The following SENP5 variants were observed in gnomAD, a reference collection of about 807,000 sequenced individuals.
SENP5 encodes SUMO specific peptidase 5.
In SENP5, 21 loss-of-function variants were observed where a neutral mutation model predicts 74.2. The observed-to-expected ratio is 0.28, with a 90% CI of 0.20 to 0.41. SENP5 has a LOEUF of 0.41. Among genes scored for constraint, SENP5 ranks in the 10% least tolerant of loss-of-function variants. The probability of loss-of-function intolerance (pLI) is 1.00; values close to 1 mark genes in which losing one functional copy is unlikely to be tolerated. For missense variants in SENP5, 717 were observed against 889.1 expected, an observed-to-expected ratio of 0.81 and a Z score of 2.46; for synonymous variants, 311 against 312.7, an observed-to-expected ratio of 0.99 and a Z score of 0.06.
chr3:196,887,376 C>T (rs1259728584), intron 2 of SENP5, among the ~76,000 whole-genome samples: 1 of 152,014 alleles, frequency 6.6e-6, no homozygotes, highest in East Asian at 1.9e-4. Context: ...GATGGGGTTT[C>T]ACCATGTTGG....
intron 6 of SENP5, among the ~76,000 whole-genome samples, chr3:196,918,188 T>A (rs1577841177): frequency 6.6e-6 from 1 of 151,698 alleles, no homozygotes; most frequent in East Asian, 1.9e-4. Flanking sequence ...GCGCCTGTAG[T>A]CCCAGCTACT....
intron 8 of SENP5, 168 bp from the exon 9 acceptor site, chr3:196,929,465 G>A: frequency 3.8e-6 from 2 of 527,944 alleles, no homozygotes; most frequent in Non-Finnish European, 6.7e-6. Context: ...CTCTTTTTAT[G>A]TGGCCAGGTG....
intron 2 of SENP5, among the ~76,000 whole-genome samples, chr3:196,889,648 C>G (rs986729265): frequency 3.3e-5 from 5 of 152,184 alleles, no homozygotes; most frequent in African/African-American, 7.2e-5. Context: ...CTCATGGACT[C>G]TCTTCTTCCT....
At chr3:196,889,690 A>G (rs1714122503) in intron 2 of SENP5, among the ~76,000 whole-genome samples, 1 of 152,230 alleles carries the variant, frequency 6.6e-6, no homozygotes, top group African/African-American at 2.4e-5. Flanking sequence ...ATGAAAAAAT[A>G]TTAAAAACAC....
At chr3:196,919,104 G>A (rs1468394008) in intron 6 of SENP5, among the ~76,000 whole-genome samples, 4 of 152,032 alleles carry the variant, frequency 2.6e-5, no homozygotes, top group Non-Finnish European at 4.4e-5. Context: ...AAACAAAAAC[G>A]GAAAAGAGCC....
intron 6 of SENP5, 80 bp from the exon 7 acceptor site, chr3:196,923,334 C>A: frequency 6.7e-7 from 1 of 1,496,000 alleles, no homozygotes; most frequent in South Asian, 1.3e-5. Context: ...GGTCAAAGGT[C>A]AGCAAATGGA....
chr3:196,884,787 C>T (rs1458674025), intron 1 of SENP5, among the ~76,000 whole-genome samples: 4 of 151,964 alleles, frequency 2.6e-5, no homozygotes, highest in Admixed American at 2.0e-4. Context: ...ATTCTCCTGC[C>T]TCAGCCTCAC....
At chr3:196,875,334 T>C (rs989864899) in intron 1 of SENP5, among the ~76,000 whole-genome samples, 2 of 152,222 alleles carry the variant, frequency 1.3e-5, no homozygotes, top group African/African-American at 4.8e-5. Context: ...TGTATCTGCA[T>C]TGATTTACCT....
rs185029060 is a variant in SENP5 at position 196,916,395 on chromosome 3, A to G, written c.1885-7019A>G. On this transcript the variant is annotated intron_variant, in intron 6 of 9. Transcript: ENST00000323460. Reference sequence around the variant, plus strand: ...ACCAAACTAAAGGCACCAATGACCAATCTCATAGTGACAGAGATATGCAAC... The same window carrying G: ...ACCAAACTAAAGGCACCAATGACCAGTCTCATAGTGACAGAGATATGCAAC... Among the ~76,000 whole-genome samples, 583 of 152,264 alleles carry G rather than the reference A, an allele frequency of 3.8e-3. 4 individuals are homozygous for G. Among genetic ancestry groups the G allele is most frequent in the Non-Finnish European group, 6.0e-3 (411 of 68,016 alleles).
chr3:196,882,198 C>T (rs1430735316), intron 1 of SENP5, among the ~76,000 whole-genome samples: 1 of 151,780 alleles, frequency 6.6e-6, no homozygotes, highest in East Asian at 1.9e-4. Flanking sequence ...CACACTCAGC[C>T]CCCTCTTTTT....
rs989407734 is a variant in SENP5, at chr3:196,923,306, C to T, written c.1885-108C>T. On this transcript the variant is annotated intron_variant, in intron 6 of 9. Coordinates refer to ENST00000323460, the MANE Select transcript of SENP5 (RefSeq NM_152699.5). Reference sequence around the variant, plus strand: ...TCAAATTCTGGTTCATTGCTTCCTACTTTTTTGCCCTTGTGCAGGTCAAAG... The same window carrying T: ...TCAAATTCTGGTTCATTGCTTCCTATTTTTTTGCCCTTGTGCAGGTCAAAG... 14 of 1,226,742 alleles carry T rather than the reference C, an allele frequency of 1.1e-5. No individual in the cohort carries two copies. In the African/African-American group the frequency reaches 1.5e-4, roughly 13 times the overall value. The allele number at this position is 1,226,742 out of a possible 1,614,324, so 76.0% of individuals were successfully genotyped here.
At chr3:196,899,542 T>C (rs1714607884) in intron 2 of SENP5, 124 bp from the exon 3 acceptor site, 1 of 555,736 alleles carries the variant, frequency 1.8e-6, no homozygotes. Context: ...ATCAATATTA[T>C]ATAGTAATAT....
intron 1 of SENP5, among the ~76,000 whole-genome samples, chr3:196,870,089 A>C (rs900884902): frequency 1.3e-5 from 2 of 152,146 alleles, no homozygotes; most frequent in Non-Finnish European, 2.9e-5. Flanking sequence ...CATCTGATTG[A>C]AGTAGATCAC....
At chr3:196,890,517 A>C (rs1249338157) in intron 2 of SENP5, among the ~76,000 whole-genome samples, 3 of 152,064 alleles carry the variant, frequency 2.0e-5, no homozygotes, top group African/African-American at 7.2e-5. Context: ...TTTGAAAAAC[A>C]AGGTGAATAC....
chr3:196,915,675 C>T (rs1461019960), intron 6 of SENP5, among the ~76,000 whole-genome samples: 1 of 152,154 alleles, frequency 6.6e-6, no homozygotes, highest in Admixed American at 6.5e-5. Context: ...GCTTGCACCA[C>T]CCCTCCCTCA....
intron 9 of SENP5, among the ~76,000 whole-genome samples, chr3:196,930,093 A>ATC (rs1453043996): frequency 2.6e-5 from 4 of 152,096 alleles, no homozygotes; most frequent in Non-Finnish European, 5.9e-5. Context: ...TGTGCTGTAG[A>ATC]TCTCCTTAGA....
At chr3:196,876,195 G>A (rs974727675) in intron 1 of SENP5, among the ~76,000 whole-genome samples, 4 of 152,068 alleles carry the variant, frequency 2.6e-5, no homozygotes, top group African/African-American at 9.7e-5. Context: ...TTTTTTACAT[G>A]TCCCTAAGCT....
chr3:196,888,447 G>A (rs1455358411), intron 2 of SENP5, among the ~76,000 whole-genome samples: 2 of 152,086 alleles, frequency 1.3e-5, no homozygotes, highest in African/African-American at 4.8e-5. Flanking sequence ...GCCAGGTGTT[G>A]TGGTGCGTGT....
At chr3:196,924,769 A>G (rs1339107586) in intron 7 of SENP5, among the ~76,000 whole-genome samples, 1 of 152,228 alleles carries the variant, frequency 6.6e-6, no homozygotes, top group Non-Finnish European at 1.5e-5. Context: ...GTATATGCAC[A>G]CAAGAATGAG....
Sources: allele counts gnomAD v4.1 joint callset (sites outside exome capture counted in the v4.1 genomes callset), GRCh38; gene constraint gnomAD v4.1.1; transcripts MANE v1.5; gene names NCBI Gene and HGNC (gene_info 2026-07-23, HGNC 2026-07-21).